Variants in COL6A3 observed in about 807,000 individuals in gnomAD.
COL6A3 encodes collagen alpha-3(VI) chain.
Under a neutral mutation model 274.1 loss-of-function variants are expected in COL6A3, and 137 were observed. The ratio of observed to expected loss-of-function variants is 0.50; its 90% CI spans 0.44 to 0.58. The LOEUF is 0.58. Ranked by LOEUF, COL6A3 falls within the 20% of genes least tolerant of loss-of-function variation. The pLI, the probability that COL6A3 is intolerant of heterozygous loss-of-function variation, is 0.00. For missense variants in COL6A3, 3,950 were observed against 4,124.9 expected, an observed-to-expected ratio of 0.96 and a Z score of 1.16; for synonymous variants, 1,650 against 1,650.6, an observed-to-expected ratio of 1.00 and a Z score of 0.01.
chr2:237,389,184 G>A (rs968494666), intron 3 of COL6A3, among the ~76,000 whole-genome samples: 1 of 152,178 alleles, frequency 6.6e-6, no homozygotes, highest in African/African-American at 2.4e-5. Flanking sequence ...CTGATGCTGA[G>A]AACGGGGTTA....
At chr2:237,324,857 C>A in intron 43 of COL6A3, 43 bp from the exon 44 acceptor site, 1 of 1,606,730 alleles carries the variant, frequency 6.2e-7, no homozygotes, top group South Asian at 1.1e-5. Context: ...GGTGAGGAGC[C>A]GAGAGAAGAG....
At chr2:237,370,920 C>T (rs1172909622) in intron 9 of COL6A3, among the ~76,000 whole-genome samples, 1 of 152,192 alleles carries the variant, frequency 6.6e-6, no homozygotes, top group African/African-American at 2.4e-5. Flanking sequence ...CATTGTAACC[C>T]TATCTGAACA....
intron 4 of COL6A3, among the ~76,000 whole-genome samples, chr2:237,387,089 C>T (rs1017914405): frequency 6.6e-6 from 1 of 152,116 alleles, no homozygotes; most frequent in Non-Finnish European, 1.5e-5. Flanking sequence ...AGAAGTATAA[C>T]TCTCAGCACC....
chr2:237,355,063 C>A, intron 23 of COL6A3, 129 bp from the exon 24 acceptor site: 6 of 864,324 alleles, frequency 6.9e-6, no homozygotes, highest in South Asian at 1.6e-5. Flanking sequence ...GCACCCACAT[C>A]GTGCCAAGAA....
intron 3 of COL6A3, among the ~76,000 whole-genome samples, chr2:237,390,103 C>T (rs1043220492): frequency 3.5e-4 from 54 of 152,316 alleles, no homozygotes; most frequent in African/African-American, 1.2e-3. Flanking sequence ...GAAGGATTTG[C>T]CACTTCCTCA....
At chr2:237,366,613 C>T (rs2077558654) in intron 11 of COL6A3, 74 bp downstream of exon 11, 1 of 1,611,748 alleles carries the variant, frequency 6.2e-7, no homozygotes, top group Non-Finnish European at 8.5e-7. Flanking sequence ...GAGGTCAGCA[C>T]CAGGGACCAG....
At chr2:237,387,485 T>C in intron 4 of COL6A3, 97 bp downstream of exon 4, 1 of 1,576,286 alleles carries the variant, frequency 6.3e-7, no homozygotes, top group Non-Finnish European at 8.7e-7. Context: ...TTACAGCTTC[T>C]CCCGTGGCGA....
Position 237,387,692 on chromosome 2 carries a change from G to A in COL6A3, c.1202C>T (p.Thr401Ile). 1 of 1,614,016 alleles carries A rather than the reference G, an allele frequency of 6.2e-7. No homozygotes were observed. The highest frequency in any genetic ancestry group is 8.5e-7 in the Non-Finnish European group (1 of 1,179,944). ...CCCAAAGCTACGGAATTCCGGGACA[G>A]TAAACACCAAGTTGTCATCGGTAGC... ...HIATDDNLVF[T>I]VPEFRSFGDL... Residue 401 changes from threonine to isoleucine, a missense_variant, in exon 4 of 44, where the codon ACT becomes ATT. Thr to Ile is a moderately conservative substitution (Grantham distance 89). Transcript: ENST00000295550.
intron 37 of COL6A3, 53 bp downstream of exon 37, chr2:237,342,012 T>G (rs1220531315): frequency 7.1e-7 from 1 of 1,412,460 alleles, no homozygotes; most frequent in East Asian, 2.3e-5. Context: ...CCCATGGATA[T>G]TATGTTTTGC....
rs1158993115 is a variant in COL6A3 at position 237,336,202 on chromosome 2, C to T, written c.8898G>A (p.Lys2966=). 1.2e-6 allele frequency: 2 copies of T among 1,613,862 alleles called. No homozygotes were observed. Among genetic ancestry groups the T allele is most frequent in the Non-Finnish European group, 1.7e-6 (2 of 1,179,904 alleles). ...CTGCCTGTGGCCTAGGGACCTCAGG[C>T]TTGGTCGCCACTGGTTTTGCAGCAG... is the stretch of plus-strand genomic sequence containing the variant. ...AAAAAKPVAT[K]PEVPRPQAAK... Residue 2966 remains lysine, a synonymous_variant, in exon 40 of 44, where the codon AAG becomes AAA. Transcript: ENST00000295550.
chr2:237,345,796 C>G (rs1452285705), intron 32 of COL6A3, among the ~76,000 whole-genome samples: 1 of 152,102 alleles, frequency 6.6e-6, no homozygotes, highest in Non-Finnish European at 1.5e-5. Context: ...TTAATGTGCT[C>G]CCCCCAACAC....
At chr2:237,342,509 CT>C (rs1242724988) in intron 36 of COL6A3, 9 of 290,304 alleles carry the variant, frequency 3.1e-5, no homozygotes, top group African/African-American at 1.7e-4. Flanking sequence ...ATAGTAGGAA[CT>C]TAATCTTATC....
Position 237,365,736 on chromosome 2 carries a change from G to C in COL6A3, c.5800C>G (p.Leu1934Val). The C allele has an allele frequency of 6.2e-7, 1 of 1,614,220 alleles. No homozygotes were observed. The highest frequency in any genetic ancestry group is 8.5e-7 in the Non-Finnish European group (1 of 1,180,036). Residue 1934 changes from leucine to valine, a missense_variant, in exon 12 of 44, where the codon CTG becomes GTG. By Grantham distance (32) the Leu-to-Val change is conservative (BLOSUM62 1). Transcript: ENST00000295550. ...GGCGAGGACTGTCTGAACTTGTTCA[G>C]GTAGACCTTCAGGGTGTCCTCCGTG... is the stretch of plus-strand genomic sequence containing the variant. ...VLTEDTLKVY[L>V]NKFRQSSPDS...
Position 237,350,164 on chromosome 2 carries a change from C to G in COL6A3, c.6862G>C (p.Gly2288Arg). ...GACCTTACCGTCTCCCCACGAGGGC[C>G]CCGGTTCCCGATTCCTCCTTTTGGT... is the stretch of plus-strand genomic sequence containing the variant. ...PGPKGGIGNR[G>R]PRGETGDDGR... Residue 2288 changes from glycine (G) to arginine (R), a missense_variant, in exon 28 of 44, where the codon GGC (glycine) becomes CGC (arginine). Transcript: ENST00000295550. The G allele has an allele frequency of 6.2e-7, 1 of 1,614,142 alleles. No individual in the cohort carries two copies. The highest frequency in any genetic ancestry group is 8.5e-7 in the Non-Finnish European group (1 of 1,180,016).
Position 237,396,866 on chromosome 2 carries a change from CA to C in COL6A3, c.-30-20del, listed in dbSNP as rs1441292015. ...TATGAACCTAAAAGAGAAAACAGGG[CA>C]AAGGGAATGATCAGTTTTTGACTCT... On this transcript the variant is annotated intron_variant, in intron 1 of 43. Transcript: ENST00000295550. 1.9e-6 allele frequency: 3 copies of C among 1,553,592 alleles called. No homozygotes were observed. Among genetic ancestry groups the C allele is most frequent in the Non-Finnish European group, 2.7e-6 (3 of 1,125,668 alleles).
Position 237,325,602 on chromosome 2 carries a change from T to C in COL6A3, c.9451A>G (p.Lys3151Glu), listed in dbSNP as rs371468515. The change falls in exon 43 of 44, where the codon AAA (lysine) becomes GAA (glutamate). Residue 3151 changes from lysine (K) to glutamate (E), a missense_variant. This residue lies in a region of COL6A3 where 1,284 missense variants were observed against 1,349.7 expected (regional missense o/e 0.95). Coordinates refer to ENST00000295550, the MANE Select transcript of COL6A3 (RefSeq NM_004369.4). ...TCACATTCTTTCTGTGATCCAAATT[T>C]GTTTTCGTTTCCACCACAACCTCCA... ...WYGGCGGNEN[K>E]FGSQKECEKV... 3.4e-5 allele frequency: 55 copies of C among 1,614,114 alleles called. No homozygotes were observed. The highest frequency in any genetic ancestry group is 4.7e-5 in the Non-Finnish European group (55 of 1,180,050).
intron 42 of COL6A3, 150 bp downstream of exon 42, chr2:237,333,300 A>G: frequency 1.4e-6 from 1 of 724,448 alleles, no homozygotes; most frequent in Non-Finnish European, 2.5e-6. Flanking sequence ...ATGCAGAATA[A>G]GATGATGTTG....
In COL6A3 at chr2:237,333,431, T is replaced by G. The variant is rs1476820512; in HGVS notation, c.9328+19A>C. 1 of 1,607,014 alleles carries G rather than the reference T, an allele frequency of 6.2e-7. No individual in the cohort carries two copies. The highest frequency in any genetic ancestry group is 8.5e-7 in the Non-Finnish European group (1 of 1,173,584). ...ATTTTCTTAGTGCCATTAATGGACC[T>G]AATAGTTTCACAACTCACCTGTTTC... On this transcript the variant is annotated intron_variant, in intron 42 of 43. Coordinates refer to ENST00000295550, the MANE Select transcript of COL6A3 (RefSeq NM_004369.4).
intron 36 of COL6A3, chr2:237,343,977 C>T: frequency 2.7e-6 from 1 of 367,670 alleles, no homozygotes; most frequent in Non-Finnish European, 5.3e-6. Context: ...TCAGAGTGTG[C>T]ACAGGGGGCC....
Sources: allele counts gnomAD v4.1 joint callset (sites outside exome capture counted in the v4.1 genomes callset), GRCh38; gene constraint gnomAD v4.1.1; regional missense constraint gnomAD v4.1.1; transcripts MANE v1.5; gene names NCBI Gene and HGNC (gene_info 2026-07-23, HGNC 2026-07-21).